CTNNA3: variants seen among roughly 807,000 people sequenced by gnomAD.
CTNNA3 encodes the protein catenin alpha-3.
CTNNA3 carries 76 observed loss-of-function variants against 95.7 expected under a neutral mutation model. That is an observed-to-expected ratio of 0.79 (90% confidence interval 0.66 to 0.96). The LOEUF (loss-of-function observed/expected upper bound fraction) is 0.96. CTNNA3 is among the 40% of genes least tolerant of loss of function. CTNNA3 has a pLI of 0.00. For missense variants in CTNNA3, 1,191 were observed against 1,089.8 expected (o/e 1.09, Z -1.31); for synonymous variants, 431 against 374.4 (o/e 1.15, Z -1.74).
intron 7 of CTNNA3, among the ~76,000 whole-genome samples, chr10:66,923,568 A>G (rs1292158371): frequency 1.3e-5 from 2 of 152,222 alleles, no homozygotes; most frequent in Non-Finnish European, 1.5e-5. Flanking sequence ...AGGGTTCAGT[A>G]TTACCCTTCT....
intron 11 of CTNNA3, among the ~76,000 whole-genome samples, chr10:66,459,515 C>T (rs1193956715): frequency 3.3e-5 from 5 of 152,130 alleles, no homozygotes; most frequent in African/African-American, 7.2e-5. Flanking sequence ...TTCAGTTTCT[C>T]GACATCCTCA....
chr10:66,504,031 C>T (rs1298731174), intron 11 of CTNNA3, among the ~76,000 whole-genome samples: 3 of 151,926 alleles, frequency 2.0e-5, no homozygotes, highest in African/African-American at 7.3e-5. Flanking sequence ...TATACATCAC[C>T]TCACATACTT....
intron 7 of CTNNA3, among the ~76,000 whole-genome samples, chr10:67,010,203 C>T (rs1852232106): frequency 6.6e-6 from 1 of 152,082 alleles, no homozygotes; most frequent in South Asian, 2.1e-4. Context: ...TTTATAAATA[C>T]ATATTGTTCT....
intron 6 of CTNNA3, among the ~76,000 whole-genome samples, chr10:67,193,655 T>C (rs548564843): frequency 6.4e-4 from 98 of 152,206 alleles, no homozygotes; most frequent in African/African-American, 2.3e-3. Context: ...TCCATGTTCC[T>C]GCAAAGGACA....
At chr10:66,025,156 C>T (rs1416408051) in intron 15 of CTNNA3, among the ~76,000 whole-genome samples, 1 of 152,196 alleles carries the variant, frequency 6.6e-6, no homozygotes, top group Non-Finnish European at 1.5e-5. Flanking sequence ...CATTTGTCCA[C>T]CATTGCAGAC....
chr10:66,502,010 T>C (rs906250230), intron 11 of CTNNA3, among the ~76,000 whole-genome samples: 13 of 152,176 alleles, frequency 8.5e-5, no homozygotes, highest in Non-Finnish European at 1.6e-4. Context: ...TAATCTTTTA[T>C]GGATGCTTGA....
chr10:66,273,407 T>C (rs1170836125), intron 13 of CTNNA3, among the ~76,000 whole-genome samples: 1 of 152,168 alleles, frequency 6.6e-6, no homozygotes, highest in Non-Finnish European at 1.5e-5. Flanking sequence ...ATTGTTTAAC[T>C]CTGGAATTTC....
chr10:66,493,490 T>C (rs1051903992), intron 11 of CTNNA3, among the ~76,000 whole-genome samples: 1 of 152,084 alleles, frequency 6.6e-6, no homozygotes, highest in Non-Finnish European at 1.5e-5. Flanking sequence ...TAAGTCTCCC[T>C]TGTCATTTAA....
At chr10:67,583,046 T>G (rs896962888) in intron 3 of CTNNA3, among the ~76,000 whole-genome samples, 5 of 152,122 alleles carry the variant, frequency 3.3e-5, no homozygotes, top group African/African-American at 9.7e-5. Flanking sequence ...ATTGGAGTAT[T>G]CAGACCATTT....
At chr10:67,417,766 T>C (rs1054208286) in intron 5 of CTNNA3, among the ~76,000 whole-genome samples, 1 of 152,130 alleles carries the variant, frequency 6.6e-6, no homozygotes, top group African/African-American at 2.4e-5. Flanking sequence ...TGTATAAATA[T>C]GAGGAAAATA....
At chr10:67,133,313 A>ATATATATATATATATATATATATATC (rs1860117692) in intron 7 of CTNNA3, among the ~76,000 whole-genome samples, 1 of 87,100 alleles carries the variant, frequency 1.1e-5, no homozygotes, top group Non-Finnish European at 2.1e-5. Flanking sequence ...CCTGATATAT[A>ATATATATATATATATATATATATATC]TATATATATA....
intron 5 of CTNNA3, among the ~76,000 whole-genome samples, chr10:67,260,145 A>C (rs1866537374): frequency 6.6e-6 from 1 of 152,170 alleles, no homozygotes; most frequent in Non-Finnish European, 1.5e-5. Flanking sequence ...TTTCCTAAAT[A>C]AGAGCCATCA....
intron 9 of CTNNA3, among the ~76,000 whole-genome samples, chr10:66,712,527 A>T (rs1056684449): frequency 1.3e-5 from 2 of 152,094 alleles, no homozygotes; most frequent in African/African-American, 4.8e-5. Flanking sequence ...TCTGAATATA[A>T]AATATGGAGA....
chr10:66,649,526 C>T (rs1845822880), intron 9 of CTNNA3, among the ~76,000 whole-genome samples: 1 of 152,158 alleles, frequency 6.6e-6, no homozygotes, highest in African/African-American at 2.4e-5. Flanking sequence ...GGAAAGTGAG[C>T]ACCAAACTTA....
Position 67,404,121 on chromosome 10 carries a change from A to C in CTNNA3, c.579+117721T>G, listed in dbSNP as rs988721601. Among the ~76,000 whole-genome samples the C allele has an allele frequency of 2.0e-5, 3 of 152,054 alleles. No individual in the cohort carries two copies. The South Asian group carries it at 6.2e-4, about 32-fold the overall frequency. ...AAGAATCAGCACAAAAACACAGAAA[A>C]CTCAAAAATCCAGTGTGCTCCCTTT... is the stretch of plus-strand genomic sequence containing the variant. On this transcript the variant is annotated intron_variant, in intron 5 of 17. Transcript: ENST00000433211.
intron 11 of CTNNA3, among the ~76,000 whole-genome samples, chr10:66,505,853 C>T (rs112474409): frequency 5.3e-5 from 8 of 152,074 alleles, no homozygotes; most frequent in African/African-American, 1.7e-4. Context: ...AAGTATACAA[C>T]GTTACTATTT....
intron 10 of CTNNA3, among the ~76,000 whole-genome samples, chr10:66,585,815 G>A (rs997892187): frequency 6.6e-6 from 1 of 151,836 alleles, no homozygotes; most frequent in Non-Finnish European, 1.5e-5. Context: ...ATTTTTTTGA[G>A]TTGTCATAGA....
intron 5 of CTNNA3, among the ~76,000 whole-genome samples, chr10:67,262,689 C>T (rs1252253732): frequency 6.6e-6 from 1 of 151,830 alleles, no homozygotes; most frequent in Non-Finnish European, 1.5e-5. Context: ...GGATCTTTGG[C>T]GGGGAAAAAT....
intron 10 of CTNNA3, among the ~76,000 whole-genome samples, chr10:66,521,824 C>T (rs2132024164): frequency 6.6e-6 from 1 of 152,252 alleles, no homozygotes; most frequent in East Asian, 1.9e-4. Context: ...CAGAATTGTA[C>T]TTGTAAAGCC....
Sources: allele counts gnomAD v4.1 joint callset (sites outside exome capture counted in the v4.1 genomes callset), GRCh38; gene constraint gnomAD v4.1.1; transcripts MANE v1.5; gene names NCBI Gene and HGNC (gene_info 2026-07-23, HGNC 2026-07-21).